PRKG1: variants seen among roughly 807,000 people sequenced by gnomAD.
The protein encoded by PRKG1 is protein kinase cGMP-dependent 1.
In PRKG1, 35 loss-of-function variants were observed where a neutral mutation model predicts 88.1. The ratio of observed to expected loss-of-function variants is 0.40; its 90% CI spans 0.30 to 0.53. The LOEUF (loss-of-function observed/expected upper bound fraction) is 0.53, where lower values mean the gene tolerates loss of function less well. PRKG1 is among the 20% of genes least tolerant of loss of function. PRKG1 has a pLI of 0.59. For missense variants in PRKG1, 540 were observed against 839.8 expected (o/e 0.64, Z 4.41); for synonymous variants, 303 against 292.5 (o/e 1.04, Z -0.37).
At chr10:52,166,280 T>C (rs907850092) in intron 9 of PRKG1, among the ~76,000 whole-genome samples, 1 of 152,024 alleles carries the variant, frequency 6.6e-6, no homozygotes, top group African/African-American at 2.4e-5. Context: ...CTTTATAACG[T>C]GCACACCAAA....
At chr10:52,065,475 T>C (rs377704968) in intron 7 of PRKG1, among the ~76,000 whole-genome samples, 24 of 152,006 alleles carry the variant, frequency 1.6e-4, no homozygotes, top group African/African-American at 5.3e-4. Flanking sequence ...TAGGAAGTTA[T>C]TGTTTTTTAA....
chr10:51,800,278 A>T (rs1255473812), intron 3 of PRKG1, among the ~76,000 whole-genome samples: 1 of 152,096 alleles, frequency 6.6e-6, no homozygotes, highest in Non-Finnish European at 1.5e-5. Flanking sequence ...CAGATTTCTT[A>T]GTCAGTTCGG....
At chr10:51,393,061 GCGGGGCGGC>G (rs1564474309) in intron 2 of PRKG1, among the ~76,000 whole-genome samples, 1 of 132,728 alleles carries the variant, frequency 7.5e-6, no homozygotes, top group African/African-American at 2.8e-5. Flanking sequence ...CACTTCTCAG[GCGGGGCGGC>G]TGCCGGGCGG....
chr10:51,228,670 A>G (rs750705267), intron 2 of PRKG1, among the ~76,000 whole-genome samples: 13 of 152,230 alleles, frequency 8.5e-5, no homozygotes, highest in African/African-American at 1.2e-4. Context: ...TTCTTCTTAG[A>G]AAAGTTGCTG....
intron 4 of PRKG1, among the ~76,000 whole-genome samples, chr10:51,894,189 A>G (rs1415775200): frequency 6.6e-6 from 1 of 152,238 alleles, no homozygotes; most frequent in Non-Finnish European, 1.5e-5. Context: ...TTAAGTTATC[A>G]TATACCAAAT....
At chr10:52,123,034 G>A (rs1161221489) in intron 7 of PRKG1, among the ~76,000 whole-genome samples, 5 of 152,056 alleles carry the variant, frequency 3.3e-5, no homozygotes, top group Non-Finnish European at 7.4e-5. Flanking sequence ...ATAGAAAATT[G>A]TCAATATTTG....
intron 1 of PRKG1, among the ~76,000 whole-genome samples, chr10:51,100,899 G>GA (rs1461464301): frequency 6.6e-6 from 1 of 152,028 alleles, no homozygotes; most frequent in Non-Finnish European, 1.5e-5. Flanking sequence ...CCTGGGCTGT[G>GA]AAAAAAGGGT....
intron 3 of PRKG1, among the ~76,000 whole-genome samples, chr10:51,719,100 T>C (rs1841953184): frequency 6.6e-6 from 1 of 151,588 alleles, no homozygotes; most frequent in South Asian, 2.1e-4. Context: ...CAGTGAGAAA[T>C]GATTGCAAGA....
intron 1 of PRKG1, among the ~76,000 whole-genome samples, chr10:51,093,799 T>TAC (rs796209546): frequency 0.066 from 8,447 of 127,394 alleles, 373 homozygotes; most frequent in African/African-American, 0.16. Context: ...TATATATATA[T>TAC]ATACACACAC....
At chr10:51,874,833 T>C (rs1268548565) in intron 4 of PRKG1, among the ~76,000 whole-genome samples, 1 of 152,204 alleles carries the variant, frequency 6.6e-6, no homozygotes, top group African/African-American at 2.4e-5. Context: ...TTTCCCACTG[T>C]AAAATGAGGT....
chr10:51,497,056 C>T (rs183232025), intron 3 of PRKG1, among the ~76,000 whole-genome samples: 7 of 152,056 alleles, frequency 4.6e-5, no homozygotes, highest in African/African-American at 7.2e-5. Context: ...CATGTACTTA[C>T]GGAAAGATCA....
At position 52,294,784 on chromosome 10, in the gene PRKG1, C is replaced by T. The variant is rs916260258; in HGVS notation, c.*884C>T. 2 of 152,450 alleles carry T rather than the reference C, an allele frequency of 1.3e-5. No individual in the cohort carries two copies. Among genetic ancestry groups the T allele is most frequent in the Non-Finnish European group, 2.9e-5 (2 of 67,980 alleles). 9.4% of individuals were successfully genotyped at this position (152,450 alleles called of 1,614,324 possible). ...CTCAAACTGAGGCTTAAAGTATTCC[C>T]TTTTATAAAAATAAATGCTTGGGGT... On this transcript the variant is annotated 3_prime_UTR_variant, in exon 18 of 18. Transcript: ENST00000373980.
intron 2 of PRKG1, among the ~76,000 whole-genome samples, chr10:51,446,327 A>T (rs1839271676): frequency 6.6e-6 from 1 of 151,712 alleles, no homozygotes; most frequent in African/African-American, 2.4e-5. Context: ...ATGTTTGCCT[A>T]ATTTCTTTGG....
chr10:52,174,410 A>G (rs933599818), intron 9 of PRKG1, among the ~76,000 whole-genome samples: 2 of 152,016 alleles, frequency 1.3e-5, no homozygotes, highest in African/African-American at 4.8e-5. Flanking sequence ...ACATTGATTA[A>G]TATTAATATT....
intron 5 of PRKG1, among the ~76,000 whole-genome samples, chr10:51,956,485 A>G (rs1230416982): frequency 6.6e-6 from 1 of 152,108 alleles, no homozygotes; most frequent in Non-Finnish European, 1.5e-5. Context: ...ACTTAAACTT[A>G]AAAGAACTTA....
chr10:51,090,422 T>C (rs1844371749), intron 1 of PRKG1, among the ~76,000 whole-genome samples: 1 of 152,038 alleles, frequency 6.6e-6, no homozygotes, highest in Admixed American at 6.6e-5. Context: ...ACAATTTCTG[T>C]GTGGGATAAC....
chr10:51,075,963 C>G (rs1843940752), intron 1 of PRKG1, among the ~76,000 whole-genome samples: 1 of 152,162 alleles, frequency 6.6e-6, no homozygotes. Context: ...TTGCTGCTTA[C>G]TCTACTACTA....
At chr10:51,694,923 G>A (rs771958430) in intron 3 of PRKG1, among the ~76,000 whole-genome samples, 1 of 152,170 alleles carries the variant, frequency 6.6e-6, no homozygotes, top group African/African-American at 2.4e-5. Context: ...TCACAGAGTA[G>A]AGGTGATTGT....
intron 2 of PRKG1, among the ~76,000 whole-genome samples, chr10:51,453,570 C>A (rs1318871799): frequency 6.6e-6 from 1 of 151,914 alleles, no homozygotes; most frequent in Non-Finnish European, 1.5e-5. Context: ...ATTATTGACC[C>A]AAAGACCATT....
Sources: allele counts gnomAD v4.1 joint callset (sites outside exome capture counted in the v4.1 genomes callset), GRCh38; gene constraint gnomAD v4.1.1; transcripts MANE v1.5; gene names NCBI Gene and HGNC (gene_info 2026-07-23, HGNC 2026-07-21).